STARD13: variants seen among roughly 807,000 people sequenced by gnomAD.
STARD13 encodes the protein stAR-related lipid transfer protein 13.
STARD13 carries 62 observed loss-of-function variants against 106.4 expected under a neutral mutation model. That is an observed-to-expected ratio of 0.58 (90% CI 0.48 to 0.72). STARD13 has a LOEUF of 0.72. Among genes scored for constraint, STARD13 ranks in the 30% least tolerant of loss-of-function variants. STARD13 has a pLI of 0.00. For missense variants in STARD13, 1,387 were observed against 1,424.0 expected, an observed-to-expected ratio of 0.97 and a Z score of 0.42; for synonymous variants, 565 against 553.0, an observed-to-expected ratio of 1.02 and a Z score of -0.31.
intron 1 of STARD13, among the ~76,000 whole-genome samples, chr13:33,171,001 G>A (rs1241661074): frequency 1.3e-5 from 2 of 152,078 alleles, no homozygotes; most frequent in African/African-American, 2.4e-5. Flanking sequence ...CCTTCCACTG[G>A]CCAAAATGAC....
intron 1 of STARD13, among the ~76,000 whole-genome samples, chr13:33,327,438 T>G (rs2077788832): frequency 6.6e-6 from 1 of 152,204 alleles, no homozygotes; most frequent in Non-Finnish European, 1.5e-5. Context: ...GGCACAATCA[T>G]AGCTCACTGC....
At chr13:33,448,203 A>C in the STARD13 span, among the ~76,000 whole-genome samples, 1 of 152,100 alleles carries the variant, frequency 6.6e-6, no homozygotes. Context: ...GTACATTCAA[A>C]ACCCTCTCTT....
At chr13:33,635,001 T>C in the STARD13 span, among the ~76,000 whole-genome samples, 1 of 152,212 alleles carries the variant, frequency 6.6e-6, no homozygotes, top group African/African-American at 2.4e-5. Context: ...TTGGAGATAC[T>C]ACCAAAGGGG....
the STARD13 span, among the ~76,000 whole-genome samples, chr13:33,403,269 C>G: frequency 6.6e-6 from 1 of 152,206 alleles, no homozygotes; most frequent in African/African-American, 2.4e-5. Context: ...AGGGAACTCT[C>G]CTGTTTCAGT....
the STARD13 span, among the ~76,000 whole-genome samples, chr13:33,641,416 G>A: frequency 6.6e-6 from 1 of 152,210 alleles, no homozygotes; most frequent in East Asian, 1.9e-4. Flanking sequence ...TTTTTACACA[G>A]AAAGGTGGAA....
the STARD13 span, among the ~76,000 whole-genome samples, chr13:33,481,674 C>A: frequency 1.3e-5 from 2 of 151,984 alleles, no homozygotes; most frequent in Non-Finnish European, 2.9e-5. Flanking sequence ...GTAGTCAAAT[C>A]CATAAATTAA....
chr13:33,285,879 C>T, upstream of STARD13: 2 of 783,940 alleles, frequency 2.6e-6, no homozygotes, highest in Non-Finnish European at 3.5e-6. Context: ...CCCTAAGCCC[C>T]GACCAGAGGC....
At chr13:33,211,781 A>T (rs1887730574) in intron 1 of STARD13, among the ~76,000 whole-genome samples, 2 of 151,810 alleles carry the variant, frequency 1.3e-5, no homozygotes, top group Admixed American at 1.3e-4. Context: ...CAGATTTGGA[A>T]TCCATGGACA....
intron 4 of STARD13, among the ~76,000 whole-genome samples, chr13:33,132,219 G>A (rs994887367): frequency 1.3e-5 from 2 of 152,194 alleles, no homozygotes; most frequent in African/African-American, 4.8e-5. Context: ...GGCTGATACG[G>A]TTTGGTTGTG....
chr13:33,279,578 C>G (rs969073269), intron 1 of STARD13: 1 of 152,230 alleles, frequency 6.6e-6, no homozygotes, highest in Non-Finnish European at 1.5e-5. Context: ...AAGGCAAATA[C>G]CCATCTCTGT....
At chr13:33,536,783 T>C in the STARD13 span, among the ~76,000 whole-genome samples, 1 of 152,208 alleles carries the variant, frequency 6.6e-6, no homozygotes, top group Non-Finnish European at 1.5e-5. Context: ...AACTTCCCTG[T>C]GATGTCTGAT....
the STARD13 span, among the ~76,000 whole-genome samples, chr13:33,630,077 CA>C: frequency 6.6e-6 from 1 of 152,264 alleles, no homozygotes; most frequent in East Asian, 1.9e-4. Flanking sequence ...TGTATATTTA[CA>C]AAAGTCTTCA....
At chr13:33,644,384 T>TG in the STARD13 span, among the ~76,000 whole-genome samples, 2 of 152,104 alleles carry the variant, frequency 1.3e-5, no homozygotes, top group East Asian at 3.9e-4. Context: ...CCCTGGCCCT[T>TG]GGGGGTAGCA....
the STARD13 span, among the ~76,000 whole-genome samples, chr13:33,544,935 G>A: frequency 6.6e-6 from 1 of 151,416 alleles, no homozygotes; most frequent in Admixed American, 6.6e-5. Flanking sequence ...CACCACACCT[G>A]GCTAATTTTT....
chr13:33,500,830 T>C, the STARD13 span, among the ~76,000 whole-genome samples: 36 of 152,214 alleles, frequency 2.4e-4, no homozygotes, highest in African/African-American at 7.5e-4. Context: ...ATAACTCCAG[T>C]TTCTAACTCC....
the STARD13 span, among the ~76,000 whole-genome samples, chr13:33,481,427 G>C: frequency 6.6e-6 from 1 of 152,152 alleles, no homozygotes. Flanking sequence ...TTTACCTAAA[G>C]ATATTGAACC....
the STARD13 span, among the ~76,000 whole-genome samples, chr13:33,561,288 T>G: frequency 2.0e-5 from 3 of 151,442 alleles, no homozygotes; most frequent in Non-Finnish European, 4.4e-5. Context: ...GGGCTTAAAA[T>G]TTTTGCAAAA....
At chr13:33,191,411 T>C (rs1886250130) in intron 1 of STARD13, among the ~76,000 whole-genome samples, 1 of 152,232 alleles carries the variant, frequency 6.6e-6, no homozygotes, top group Non-Finnish European at 1.5e-5. Context: ...AGTCTTGTAA[T>C]GCTTTTAATG....
At chr13:33,501,577 G>A in the STARD13 span, among the ~76,000 whole-genome samples, 1 of 152,078 alleles carries the variant, frequency 6.6e-6, no homozygotes, top group Non-Finnish European at 1.5e-5. Flanking sequence ...TGTAAGGAAG[G>A]GATCCAGTTT....
Sources: allele counts gnomAD v4.1 joint callset (sites outside exome capture counted in the v4.1 genomes callset), GRCh38; gene constraint gnomAD v4.1.1; transcripts MANE v1.5; gene names NCBI Gene and HGNC (gene_info 2026-07-23, HGNC 2026-07-21).